SLC1A3: variants seen among roughly 807,000 people sequenced by gnomAD.
The protein encoded by SLC1A3 is excitatory amino acid transporter 1.
SLC1A3 carries 21 observed loss-of-function variants against 48.1 expected under a neutral mutation model. The ratio of observed to expected loss-of-function variants is 0.44; its 90% CI spans 0.31 to 0.63. SLC1A3 has a LOEUF of 0.63. SLC1A3 is among the 20% of genes least tolerant of loss of function. The pLI, the probability that SLC1A3 is intolerant of heterozygous loss-of-function variation, is 0.08. For missense variants in SLC1A3, 546 were observed against 689.0 expected (o/e 0.79, Z 2.32); for synonymous variants, 239 against 251.4 (o/e 0.95, Z 0.47).
At chr5:36,648,514 T>C (rs1000177439) in intron 3 of SLC1A3, among the ~76,000 whole-genome samples, 1 of 152,222 alleles carries the variant, frequency 6.6e-6, no homozygotes, top group Non-Finnish European at 1.5e-5. Flanking sequence ...TCAGCTTTTA[T>C]AACCTTTGGT....
chr5:36,652,447 C>A (rs1741120049), intron 3 of SLC1A3, among the ~76,000 whole-genome samples: 1 of 152,130 alleles, frequency 6.6e-6, no homozygotes, highest in Admixed American at 6.5e-5. Flanking sequence ...TGGTAACTTT[C>A]AAGGGGAGAA....
chr5:36,660,550 G>A (rs1741462971), intron 3 of SLC1A3, among the ~76,000 whole-genome samples: 1 of 152,156 alleles, frequency 6.6e-6, no homozygotes, highest in African/African-American at 2.4e-5. Context: ...TTGGACCTGG[G>A]GGCAAAAATG....
intron 1 of SLC1A3, among the ~76,000 whole-genome samples, chr5:36,607,806 AT>A: frequency 6.6e-6 from 1 of 152,264 alleles, no homozygotes; most frequent in South Asian, 2.1e-4. Context: ...ATATTATTAT[AT>A]TTTTTTCTTA....
At chr5:36,675,721 A>G (rs1742179042) in intron 5 of SLC1A3, among the ~76,000 whole-genome samples, 1 of 152,170 alleles carries the variant, frequency 6.6e-6, no homozygotes, top group South Asian at 2.1e-4. Context: ...AATGGGGCCA[A>G]TTTTTTTGTT....
Position 36,680,443 on chromosome 5 carries a change from C to T in SLC1A3, c.1143C>T (p.Gly381=), listed in dbSNP as rs573511540. Reference sequence around the variant, plus strand: ...TCAAGTGCCTGGAAGAGAACAATGGCGTGGACAAGCGCGTCACCAGATTCG... The same window carrying T: ...TCAAGTGCCTGGAAGAGAACAATGGTGTGGACAAGCGCGTCACCAGATTCG... ...ITFKCLEENN[G]VDKRVTRFVL... The change falls in exon 8 of 10, where the codon GGC becomes GGT. Residue 381 remains glycine, a synonymous_variant. Transcript: ENST00000265113. 17 of 1,614,138 alleles carry T rather than the reference C, an allele frequency of 1.1e-5. No homozygotes were observed. Among genetic ancestry groups the T allele is most frequent in the East Asian group, 4.5e-5 (2 of 44,874 alleles).
At chr5:36,671,915 C>A (rs538738740) in intron 4 of SLC1A3, among the ~76,000 whole-genome samples, 1 of 152,288 alleles carries the variant, frequency 6.6e-6, no homozygotes, top group African/African-American at 2.4e-5. Context: ...AATCCCAGCA[C>A]CTTCCTGCTT....
At chr5:36,630,712 G>C (rs971203379) in intron 3 of SLC1A3, among the ~76,000 whole-genome samples, 2 of 152,204 alleles carry the variant, frequency 1.3e-5, no homozygotes, top group African/African-American at 4.8e-5. Context: ...ACATGCCTTG[G>C]AGGGCTGGCT....
chr5:36,677,244 G>A, intron 6 of SLC1A3, 60 bp downstream of exon 6: 12 of 1,467,304 alleles, frequency 8.2e-6, no homozygotes, highest in Non-Finnish European at 1.1e-5. Context: ...ATCAACATGT[G>A]TTCTGTACTG....
At chr5:36,601,837 C>G (rs1208713843), upstream of SLC1A3, among the ~76,000 whole-genome samples, 3 of 151,554 alleles carry the variant, frequency 2.0e-5, no homozygotes, top group East Asian at 1.9e-4. Flanking sequence ...CTTCCTTTCT[C>G]CAAGTCTTAG....
At chr5:36,606,589 T>A (rs373419132), upstream of SLC1A3, 1 of 152,316 alleles carries the variant, frequency 6.6e-6, no homozygotes. Context: ...GTTGCCCTGA[T>A]AGTAACTTGC....
intron 8 of SLC1A3, among the ~76,000 whole-genome samples, chr5:36,681,590 C>G (rs1002378358): frequency 7.9e-5 from 12 of 152,186 alleles, no homozygotes; most frequent in African/African-American, 2.7e-4. Flanking sequence ...CCTTTCCATA[C>G]CTTCCCCCCA....
intron 2 of SLC1A3, among the ~76,000 whole-genome samples, chr5:36,628,427 C>T (rs1401225350): frequency 1.3e-5 from 2 of 152,182 alleles, no homozygotes; most frequent in Non-Finnish European, 2.9e-5. Flanking sequence ...CCACCACCCC[C>T]AGCCTTTAGC....
At chr5:36,639,685 T>G (rs946147525) in intron 3 of SLC1A3, among the ~76,000 whole-genome samples, 1 of 152,248 alleles carries the variant, frequency 6.6e-6, no homozygotes, top group African/African-American at 2.4e-5. Flanking sequence ...TTTCTCCTAC[T>G]CCTTCAGAAG....
chr5:36,606,544 C>A (rs1738946226), upstream of SLC1A3: 1 of 152,330 alleles, frequency 6.6e-6, no homozygotes. Flanking sequence ...CCCCACTCCT[C>A]CTTTCCCGGG....
intron 1 of SLC1A3, among the ~76,000 whole-genome samples, chr5:36,597,430 G>A (rs186047494): frequency 6.6e-6 from 1 of 151,402 alleles, no homozygotes; most frequent in African/African-American, 2.4e-5. Flanking sequence ...TTTTAGTAGA[G>A]ACGGGGTTTC....
upstream of SLC1A3, among the ~76,000 whole-genome samples, chr5:36,604,906 T>TGG (rs59950179): frequency 6.4e-3 from 714 of 111,784 alleles, 17 homozygotes; most frequent in Non-Finnish European, 0.01. Context: ...AAAAAAGCGG[T>TGG]GGGGGGGGGG....
At chr5:36,640,464 C>T (rs1033209890) in intron 3 of SLC1A3, among the ~76,000 whole-genome samples, 1 of 152,194 alleles carries the variant, frequency 6.6e-6, no homozygotes, top group Non-Finnish European at 1.5e-5. Context: ...GGGATATAGG[C>T]TTGCCATCTT....
intron 5 of SLC1A3, among the ~76,000 whole-genome samples, chr5:36,676,270 G>A (rs7732356): frequency 0.031 from 4,745 of 152,246 alleles, 265 homozygotes; most frequent in African/African-American, 0.11. Flanking sequence ...TCTAATCCCT[G>A]AAGGGCTTTT....
chr5:36,642,073 G>A (rs1458221735), intron 3 of SLC1A3, among the ~76,000 whole-genome samples: 1 of 152,188 alleles, frequency 6.6e-6, no homozygotes, highest in Non-Finnish European at 1.5e-5. Context: ...TTAAAATTGA[G>A]AGAATTCAAT....
Sources: gnomAD v4.1 joint callset for allele counts (sites outside exome capture counted in the v4.1 genomes callset) on GRCh38, gnomAD v4.1.1 for gene constraint, MANE v1.5 for transcripts, NCBI Gene and HGNC (gene_info 2026-07-23, HGNC 2026-07-21) for gene names.